Variants in PCDHGB5 observed in about 807,000 individuals in gnomAD.
PCDHGB5 encodes protocadherin gamma subfamily B, 5, also known as protocadherin gamma-B5.
Under a neutral mutation model 62.9 loss-of-function variants are expected in PCDHGB5, and 48 were observed. The observed-to-expected ratio is 0.76, with a 90% CI of 0.61 to 0.97. PCDHGB5 has a LOEUF of 0.97. Ranked by LOEUF, PCDHGB5 falls within the 50% of genes least tolerant of loss-of-function variation. PCDHGB5 has a pLI of 0.00. For synonymous variants in PCDHGB5, 474 were observed against 511.2 expected (o/e 0.93, Z 0.98); for missense variants, 1,118 against 1,198.6 (o/e 0.93, Z 0.99).
chr5:141,421,418 G>C, intron 1 of PCDHGB5: 1 of 1,614,086 alleles, frequency 6.2e-7, no homozygotes, highest in Middle Eastern at 1.7e-4. Context: ...GCGAAGCGCG[G>C]AGTCCGCATC....
rs934674909 is a variant in PCDHGB5, at chr5:141,511,083, A to C, written c.2682A>C (p.Thr894=). Residue 894 remains threonine, a synonymous_variant, in exon 4 of 4, where the codon ACA becomes ACC. Transcript: ENST00000617380. The part of the protein sequence containing the change: ...QNVYIPGSNA[T]LTNAAGKRDG... Reference sequence around the variant, plus strand: ...TCTACATCCCAGGCAGCAATGCCACACTGACCAACGCAGCTGGCAAGCGGG... The same window carrying C: ...TCTACATCCCAGGCAGCAATGCCACCCTGACCAACGCAGCTGGCAAGCGGG... 1.2e-6 allele frequency: 2 copies of C among 1,614,108 alleles called. No homozygotes were observed. Among genetic ancestry groups the C allele is most frequent in the African/African-American group, 2.7e-5 (2 of 74,940 alleles).
intron 1 of PCDHGB5, among the ~76,000 whole-genome samples, chr5:141,425,003 T>C (rs75915888): frequency 0.036 from 5,431 of 152,274 alleles, 181 homozygotes; most frequent in African/African-American, 0.084. Context: ...AGTTTAGTTT[T>C]CTCATTTAGG....
At chr5:141,414,143 T>C (rs887054185) in intron 1 of PCDHGB5, 1 of 1,597,122 alleles carries the variant, frequency 6.3e-7, no homozygotes, top group Non-Finnish European at 8.5e-7. Flanking sequence ...GAAATAGAAA[T>C]ACAAGCAGAA....
chr5:141,404,171 G>A (rs532466154), intron 1 of PCDHGB5: 1 of 1,612,734 alleles, frequency 6.2e-7, no homozygotes, highest in South Asian at 1.1e-5. Flanking sequence ...ATTGTTGACG[G>A]CCCAAATTCT....
At chr5:141,418,072 G>A in intron 1 of PCDHGB5, 1 of 1,614,058 alleles carries the variant, frequency 6.2e-7, no homozygotes, top group Non-Finnish European at 8.5e-7. Context: ...TGAGCGCGGA[G>A]AAGCTGCACT....
intron 1 of PCDHGB5, chr5:141,402,944 G>C (rs1487270083): frequency 2.5e-6 from 4 of 1,592,136 alleles, no homozygotes; most frequent in African/African-American, 1.3e-5. Context: ...ATTCCAAAGC[G>C]AGGCAGCAAT....
chr5:141,489,666 C>A lies in PCDHGB5; in HGVS notation c.2398-5141C>A. On this transcript the variant is annotated intron_variant, in intron 1 of 3. Transcript: ENST00000617380. The surrounding 1 kb of genome is among the most constrained non-coding windows in gnomAD (Gnocchi z 4.5). ...CCACCCCTGAGCGAGAGATGCGCAT[C>A]TCAGAATCAGCAGCATCTGGGGCAC... 1.2e-6 allele frequency: 2 copies of A among 1,614,222 alleles called. No homozygotes were observed. Among genetic ancestry groups the A allele is most frequent in the Non-Finnish European group, 1.7e-6 (2 of 1,180,036 alleles).
At chr5:141,478,926 G>A in intron 1 of PCDHGB5, 1 of 687,216 alleles carries the variant, frequency 1.5e-6, no homozygotes, top group Non-Finnish European at 2.3e-6. Flanking sequence ...CTAACCAGTG[G>A]CAGCTTCTAG....
Position 141,431,297 on chromosome 5 carries a change from C to G in PCDHGB5, c.2397+30773C>G. Reference sequence around the variant, plus strand: ...GCTCAGCCCGAACACTCACTTCTCCCTCATCGTGCAAAATGGAGCCGACGG... The same window carrying G: ...GCTCAGCCCGAACACTCACTTCTCCGTCATCGTGCAAAATGGAGCCGACGG... On this transcript the variant is annotated intron_variant, in intron 1 of 3. Transcript: ENST00000617380. The surrounding 1 kb of genome is among the most constrained non-coding windows in gnomAD (Gnocchi z 4.8). The G allele has an allele frequency of 6.2e-7, 1 of 1,614,126 alleles. No individual in the cohort carries two copies. The highest frequency in any genetic ancestry group is 8.5e-7 in the Non-Finnish European group (1 of 1,180,036).
Position 141,491,889 on chromosome 5 carries a change from C to T in PCDHGB5, c.2398-2918C>T, listed in dbSNP as rs2099734763. On this transcript the variant is annotated intron_variant, in intron 1 of 3. Transcript: ENST00000617380. The surrounding 1 kb of genome is among the most constrained non-coding windows in gnomAD (Gnocchi z 6.9). ...GAGTGGCCGATTAAGGGATGGGGCT[C>T]CGAGCACCGGGGGTGGTGGCGACTG... 11 of 1,441,360 alleles carry T rather than the reference C, an allele frequency of 7.6e-6. No individual in the cohort carries two copies. Among genetic ancestry groups the T allele is most frequent in the Non-Finnish European group, 1.0e-5 (11 of 1,090,600 alleles). 89.3% of individuals were successfully genotyped at this position (1,441,360 alleles called of 1,614,324 possible).
chr5:141,471,658 G>T (rs1354815239), intron 1 of PCDHGB5: 1 of 152,106 alleles, frequency 6.6e-6, no homozygotes, highest in Admixed American at 6.5e-5. Flanking sequence ...ATGTGGGGAT[G>T]CAGAAAAAAA....
chr5:141,413,600 T>C lies in PCDHGB5; in HGVS notation c.2397+13076T>C, dbSNP rs767830855. The C allele has an allele frequency of 3.7e-6, 6 of 1,613,868 alleles. No individual in the cohort carries two copies. The Admixed American group carries it at 8.3e-5, about 22-fold the overall frequency. Reference sequence around the variant, plus strand: ...GCTCCAAAATTCCAAGCAGAAAATCTAGACGTAAAAATTAATGAAAATGTC... The same window carrying C: ...GCTCCAAAATTCCAAGCAGAAAATCCAGACGTAAAAATTAATGAAAATGTC... On this transcript the variant is annotated intron_variant, in intron 1 of 3. Transcript: ENST00000617380.
At chr5:141,440,593 T>C (rs1456640262) in intron 1 of PCDHGB5, 1 of 152,202 alleles carries the variant, frequency 6.6e-6, no homozygotes, top group African/African-American at 2.4e-5. Context: ...TGGAACAAGA[T>C]TTGCAACAGA....
At chr5:141,459,199 A>G (rs930769883) in intron 1 of PCDHGB5, among the ~76,000 whole-genome samples, 6 of 152,200 alleles carry the variant, frequency 3.9e-5, no homozygotes, top group African/African-American at 1.4e-4. Flanking sequence ...TTTGCAATCA[A>G]TTCACTACTT....
chr5:141,454,580 ATT>A (rs1392342692), intron 1 of PCDHGB5, among the ~76,000 whole-genome samples: 2 of 151,234 alleles, frequency 1.3e-5, no homozygotes, highest in Non-Finnish European at 2.9e-5. Context: ...CTAATTTTGT[ATT>A]TTTAGTAGAG....
In PCDHGB5 at chr5:141,404,546, G is replaced by A. The variant is rs753308273; in HGVS notation, c.2397+4022G>A. 11 of 1,613,800 alleles carry A rather than the reference G, an allele frequency of 6.8e-6. No individual in the cohort carries two copies. In the East Asian group the frequency reaches 2.2e-4, roughly 33 times the overall value. ...GCAGTTTAGAGATTTGCAAATGCAGGTGACGGCAAGTGACAGTGGAAGCCC... is the reference window on the plus strand; with the variant it reads ...GCAGTTTAGAGATTTGCAAATGCAGATGACGGCAAGTGACAGTGGAAGCCC... On this transcript the variant is annotated intron_variant, in intron 1 of 3. Transcript: ENST00000617380.
intron 1 of PCDHGB5, among the ~76,000 whole-genome samples, chr5:141,402,158 G>A (rs1276790302): frequency 2.0e-5 from 3 of 151,990 alleles, no homozygotes; most frequent in Non-Finnish European, 2.9e-5. Context: ...AATATTAGGC[G>A]AGAACATCTG....
At chr5:141,458,308 A>G (rs1363472724) in intron 1 of PCDHGB5, among the ~76,000 whole-genome samples, 1 of 152,196 alleles carries the variant, frequency 6.6e-6, no homozygotes, top group Non-Finnish European at 1.5e-5. Context: ...AGATAAAATG[A>G]CACAGACACA....
At chr5:141,430,689 T>A in intron 1 of PCDHGB5, 1 of 1,408,998 alleles carries the variant, frequency 7.1e-7, no homozygotes, top group Non-Finnish European at 9.4e-7. Flanking sequence ...TCCCATTCTA[T>A]GGGCGAAGGA....
Sources: gnomAD v4.1 joint callset for allele counts (sites outside exome capture counted in the v4.1 genomes callset) on GRCh38, gnomAD v4.1.1 for gene constraint, Gnocchi (gnomAD v3.1) non-coding constraint, MANE v1.5 for transcripts, NCBI Gene and HGNC (gene_info 2026-07-23, HGNC 2026-07-21) for gene names.